MAP4K3: variants seen among roughly 807,000 people sequenced by gnomAD.
MAP4K3 encodes the protein mitogen-activated protein kinase kinase kinase kinase 3.
MAP4K3 carries 94 observed loss-of-function variants against 143.5 expected under a neutral mutation model. The ratio of observed to expected loss-of-function variants is 0.65; its 90% CI spans 0.55 to 0.78. The LOEUF (loss-of-function observed/expected upper bound fraction) is 0.78, where lower values mean the gene tolerates loss of function less well. Ranked by LOEUF, MAP4K3 falls within the 30% of genes least tolerant of loss-of-function variation. The pLI is 0.00. For synonymous variants in MAP4K3, 416 were observed against 347.2 expected, an observed-to-expected ratio of 1.20 and a Z score of -2.20; for missense variants, 1,077 against 1,068.1, an observed-to-expected ratio of 1.01 and a Z score of -0.12.
At position 39,344,280 on chromosome 2, in the gene MAP4K3, G is replaced by A. The variant is rs975954674; in HGVS notation, c.246-828C>T. ...AATTAGATTGAGGTCAGGAAAATAT[G>A]GCCAGCGGACCAAATCTAGCCTGCT... On this transcript the variant is annotated intron_variant, in intron 3 of 33. Coordinates refer to ENST00000263881, the MANE Select transcript of MAP4K3 (RefSeq NM_003618.4). Among the ~76,000 whole-genome samples the A allele has an allele frequency of 3.3e-4, 51 of 152,312 alleles. 1 individual carries two copies. Among genetic ancestry groups the A allele is most frequent in the Middle Eastern group, 3.4e-3 (1 of 294 alleles).
intron 28 of MAP4K3, 137 bp downstream of exon 28, chr2:39,265,066 G>C (rs1297928689): frequency 7.5e-6 from 5 of 668,564 alleles, no homozygotes; most frequent in Admixed American, 2.9e-5. Context: ...CAACTGGGCA[G>C]ATTTTTACAA....
At chr2:39,420,693 A>G (rs1027599958) in intron 1 of MAP4K3, among the ~76,000 whole-genome samples, 9 of 152,050 alleles carry the variant, frequency 5.9e-5, no homozygotes, top group Non-Finnish European at 1.0e-4. Flanking sequence ...AATTACAAGC[A>G]TGAGACATCA....
chr2:39,302,209 C>T (rs1246749342), intron 15 of MAP4K3, among the ~76,000 whole-genome samples: 4 of 151,960 alleles, frequency 2.6e-5, no homozygotes, highest in Non-Finnish European at 4.4e-5. Context: ...CCAAGTCCGA[C>T]GATTAAATGG....
At chr2:39,359,529 C>T (rs1000379504) in intron 2 of MAP4K3, among the ~76,000 whole-genome samples, 1 of 152,252 alleles carries the variant, frequency 6.6e-6, no homozygotes, top group Admixed American at 6.5e-5. Flanking sequence ...TCTCACAGTT[C>T]CACTAGGCAG....
intron 15 of MAP4K3, among the ~76,000 whole-genome samples, chr2:39,301,697 G>GAA: frequency 1.3e-5 from 2 of 151,830 alleles, no homozygotes; most frequent in Non-Finnish European, 2.9e-5. Context: ...AAAAATAAAG[G>GAA]ATATAGGCCG....
intron 4 of MAP4K3, among the ~76,000 whole-genome samples, chr2:39,338,428 C>G (rs1558654431): frequency 6.6e-6 from 1 of 152,166 alleles, no homozygotes; most frequent in Non-Finnish European, 1.5e-5. Flanking sequence ...AATTAAAGGT[C>G]TCTTCTTTAT....
Position 39,394,955 on chromosome 2 carries a change from T to C in MAP4K3, c.97-16832A>G, listed in dbSNP as rs557559983. 4.6e-5 allele frequency among the ~76,000 whole-genome samples: 7 copies of C among 152,186 alleles called. No individual in the cohort carries two copies. In the South Asian group the frequency reaches 1.0e-3, roughly 23 times the overall value. On this transcript the variant is annotated intron_variant, in intron 1 of 33. Transcript: ENST00000263881. The stretch of plus-strand genomic sequence containing the variant: ...CAGACTCTAATTATTCTTCCAGAAA[T>C]AGGAAAATCACAATGTAACTCTTAA...
At chr2:39,424,830 CA>C (rs58960920) in intron 1 of MAP4K3, among the ~76,000 whole-genome samples, 27,434 of 68,344 alleles carry the variant, frequency 0.4, 2,785 homozygotes, top group East Asian at 0.6. Flanking sequence ...TAACCTGACT[CA>C]AAAAAAAAAA....
intron 2 of MAP4K3, among the ~76,000 whole-genome samples, chr2:39,374,918 T>C (rs1666177352): frequency 6.6e-6 from 1 of 152,088 alleles, no homozygotes; most frequent in Non-Finnish European, 1.5e-5. Flanking sequence ...TGCACTAGAC[T>C]ATTTCAGACT....
At chr2:39,254,268 A>G (rs1680260301) in intron 32 of MAP4K3, among the ~76,000 whole-genome samples, 182 bp downstream of exon 32, 1 of 152,202 alleles carries the variant, frequency 6.6e-6, no homozygotes, top group Non-Finnish European at 1.5e-5. Flanking sequence ...AAGTTGTTTG[A>G]GTAGTGGAGA....
intron 1 of MAP4K3, among the ~76,000 whole-genome samples, chr2:39,390,321 C>CA (rs1358204515): frequency 1.3e-5 from 2 of 151,442 alleles, no homozygotes; most frequent in African/African-American, 2.4e-5. Context: ...ATACACCTAC[C>CA]AAAAAATGAA....
At position 39,334,315 on chromosome 2, in the gene MAP4K3, C is replaced by T. The variant is rs573403177; in HGVS notation, c.415-741G>A. Among the ~76,000 whole-genome samples, 6 of 152,158 alleles carry T rather than the reference C, an allele frequency of 3.9e-5. No individual in the cohort carries two copies. The South Asian group carries it at 1.2e-3, about 32-fold the overall frequency. On this transcript the variant is annotated intron_variant, in intron 6 of 33. Transcript: ENST00000263881. ...TACTATATCCCAAAGGTATTGTGGG[C>T]TCTTTGGTCCAAGGTGCCATCAATC...
At chr2:39,308,030 C>A in intron 14 of MAP4K3, 25 bp from the exon 15 acceptor site, 2 of 1,559,654 alleles carry the variant, frequency 1.3e-6, no homozygotes, top group Non-Finnish European at 1.7e-6. Flanking sequence ...CCAAGAAACC[C>A]AAGTTATTTA....
chr2:39,306,033 T>C (rs552851176), intron 15 of MAP4K3, among the ~76,000 whole-genome samples: 2 of 152,288 alleles, frequency 1.3e-5, no homozygotes, highest in East Asian at 3.9e-4. Context: ...TTTCACCATG[T>C]TGGCCAGGAT....
Position 39,265,247 on chromosome 2 carries a change from G to T in MAP4K3, c.2092C>A (p.Leu698Ile). Residue 698 changes from leucine to isoleucine, a missense_variant, in exon 28 of 34, where the codon CTA becomes ATA. Coordinates refer to ENST00000263881, the MANE Select transcript of MAP4K3 (RefSeq NM_003618.4). ...TGCATTGGTTCAACCCATTCTAATA[G>T]AACAATGCTAGTCTGAAGTGCTCCA... ...LCGALQTSIV[L>I]LEWVEPMQKF... 1 of 1,613,430 alleles carries T rather than the reference G, an allele frequency of 6.2e-7. No homozygotes were observed.
intron 29 of MAP4K3, among the ~76,000 whole-genome samples, chr2:39,259,938 G>C (rs1476746339): frequency 1.3e-5 from 2 of 152,192 alleles, no homozygotes; most frequent in East Asian, 3.9e-4. Flanking sequence ...AACAACCCAG[G>C]TGTATACCTC....
At chr2:39,292,880 A>G (rs1682107975) in intron 17 of MAP4K3, 54 bp from the exon 18 acceptor site, 1 of 1,470,066 alleles carries the variant, frequency 6.8e-7, no homozygotes, top group East Asian at 2.3e-5. Flanking sequence ...CAAAACAGTA[A>G]GAAGAAATTT....
chr2:39,340,559 T>C (rs553255073), intron 4 of MAP4K3, among the ~76,000 whole-genome samples: 1 of 152,320 alleles, frequency 6.6e-6, no homozygotes, highest in East Asian at 1.9e-4. Flanking sequence ...GTAAGAATCA[T>C]GACAACCTAT....
At position 39,423,312 on chromosome 2, in the gene MAP4K3, C is replaced by T. The variant is rs542603246; in HGVS notation, c.96+13580G>A. ...GAGCAACAGGAACTCTCATTCATTG[C>T]TGTTAGAAATGCAAAGTGCTACAGT... On this transcript the variant is annotated intron_variant, in intron 1 of 33. Coordinates refer to ENST00000263881, the MANE Select transcript of MAP4K3 (RefSeq NM_003618.4). 1.3e-4 allele frequency among the ~76,000 whole-genome samples: 20 copies of T among 152,248 alleles called. No individual in the cohort carries two copies. The South Asian group carries it at 3.7e-3, about 28-fold the overall frequency.
Sources: allele counts gnomAD v4.1 joint callset (sites outside exome capture counted in the v4.1 genomes callset), GRCh38; gene constraint gnomAD v4.1.1; transcripts MANE v1.5; gene names NCBI Gene and HGNC (gene_info 2026-07-23, HGNC 2026-07-21).